Variants in FRMPD2 observed in about 807,000 individuals in gnomAD.
FRMPD2 encodes the protein FERM and PDZ domain-containing protein 2.
In FRMPD2, 96 loss-of-function variants were observed where a neutral mutation model predicts 140.1. The observed-to-expected ratio is 0.69, with a 90% CI of 0.58 to 0.81. The LOEUF (loss-of-function observed/expected upper bound fraction) is 0.81, where lower values mean the gene tolerates loss of function less well. Among genes scored for constraint, FRMPD2 ranks in the 40% least tolerant of loss-of-function variants. The pLI is 0.00. For missense variants in FRMPD2, 1,240 were observed against 1,447.4 expected, an observed-to-expected ratio of 0.86 and a Z score of 2.32; for synonymous variants, 449 against 547.6, an observed-to-expected ratio of 0.82 and a Z score of 2.52.
chr10:48,267,403 A>T (rs1228784725), intron 1 of FRMPD2, among the ~76,000 whole-genome samples: 1 of 152,224 alleles, frequency 6.6e-6, no homozygotes, highest in Non-Finnish European at 1.5e-5. Flanking sequence ...TCAACAGCAG[A>T]ATGGAGAAGA....
intron 27 of FRMPD2, among the ~76,000 whole-genome samples, chr10:48,165,343 G>T (rs1440636662): frequency 7.4e-6 from 1 of 134,484 alleles, no homozygotes; most frequent in African/African-American, 3.0e-5. Flanking sequence ...TGAGCAGCCT[G>T]TGCCCCTACC....
At position 48,170,852 on chromosome 10, in the gene FRMPD2, AT is replaced by A. The variant is rs1388173809; in HGVS notation, c.3438+141del. 20 of 731,286 alleles carry A rather than the reference AT, an allele frequency of 2.7e-5. No homozygotes were observed. In the South Asian group the frequency reaches 2.9e-4, roughly 11 times the overall value. 45.3% of individuals were successfully genotyped at this position (731,286 alleles called of 1,614,324 possible). On this transcript the variant is annotated intron_variant, in intron 26 of 28. Coordinates refer to ENST00000374201, the MANE Select transcript of FRMPD2 (RefSeq NM_001018071.4). Reference sequence around the variant, plus strand: ...AATTAAATGTGAGCATGTACCACTAATTACTCTCTTTGTGTGATTAAAATCC... The same window carrying A: ...AATTAAATGTGAGCATGTACCACTAATACTCTCTTTGTGTGATTAAAATCC...
intron 1 of FRMPD2, among the ~76,000 whole-genome samples, chr10:48,256,085 G>A (rs1353293772): frequency 1.3e-5 from 2 of 152,232 alleles, no homozygotes; most frequent in Admixed American, 1.3e-4. Context: ...ACTGGCCTGT[G>A]GCTGAGTATT....
chr10:48,184,457 A>G, intron 20 of FRMPD2, 109 bp downstream of exon 20: 1 of 689,530 alleles, frequency 1.5e-6, no homozygotes, highest in South Asian at 1.8e-5. Flanking sequence ...CCATGAGGAA[A>G]GCAATATAGA....
intron 1 of FRMPD2, among the ~76,000 whole-genome samples, chr10:48,263,506 A>G (rs1011557804): frequency 6.6e-6 from 1 of 152,174 alleles, no homozygotes; most frequent in Admixed American, 6.6e-5. Context: ...GATCCCATGG[A>G]TATTAAAAAG....
intron 20 of FRMPD2, among the ~76,000 whole-genome samples, chr10:48,183,161 C>T (rs1248977295): frequency 6.6e-6 from 1 of 152,192 alleles, no homozygotes; most frequent in Non-Finnish European, 1.5e-5. Flanking sequence ...AATGCAGTGC[C>T]TGCATTTAGT....
At chr10:48,236,576 G>T in intron 8 of FRMPD2, 23 bp from the exon 9 acceptor site, 1 of 1,610,180 alleles carries the variant, frequency 6.2e-7, no homozygotes. Flanking sequence ...AGTCACATAT[G>T]GTAGAGAAGA....
chr10:48,191,768 C>T (rs749448841), intron 16 of FRMPD2, among the ~76,000 whole-genome samples: 40 of 152,300 alleles, frequency 2.6e-4, no homozygotes, highest in Middle Eastern at 3.4e-3. Flanking sequence ...TAAATGTAAT[C>T]CAAGTCCTAG....
intron 12 of FRMPD2, among the ~76,000 whole-genome samples, chr10:48,216,678 C>T (rs985547725): frequency 1.3e-5 from 2 of 152,212 alleles, no homozygotes; most frequent in African/African-American, 4.8e-5. Context: ...AGATACCACA[C>T]ATGAATTGCC....
intron 10 of FRMPD2, among the ~76,000 whole-genome samples, chr10:48,227,384 G>T (rs1300370068): frequency 6.6e-6 from 1 of 152,218 alleles, no homozygotes; most frequent in Non-Finnish European, 1.5e-5. Context: ...GAGACTGTCA[G>T]GTTTGCATCA....
chr10:48,188,804 C>T (rs945935313), intron 16 of FRMPD2, among the ~76,000 whole-genome samples: 4 of 152,180 alleles, frequency 2.6e-5, no homozygotes, highest in African/African-American at 7.2e-5. Context: ...ACATGCAACC[C>T]TTTACTGCTT....
At position 48,254,202 on chromosome 10, in the gene FRMPD2, C is replaced by T. The variant is rs563459649; in HGVS notation, c.26-2511G>A. On this transcript the variant is annotated intron_variant, in intron 1 of 28. Transcript: ENST00000374201. The stretch of plus-strand genomic sequence containing the variant: ...TTACGGTGGAATGTTATGATCTGTC[C>T]GCAGTGGCAAGTTGGTTTCTGAAGA... 1.1e-4 allele frequency among the ~76,000 whole-genome samples: 16 copies of T among 152,318 alleles called. No individual in the cohort carries two copies. The East Asian group carries it at 1.5e-3, about 15-fold the overall frequency.
At chr10:48,201,122 A>G (rs977728119) in intron 15 of FRMPD2, 106 bp downstream of exon 15, 1 of 743,832 alleles carries the variant, frequency 1.3e-6, no homozygotes, top group African/African-American at 1.8e-5. Flanking sequence ...AGAGAGATTT[A>G]CAACTCTATT....
chr10:48,217,266 T>C (rs1839472254), intron 12 of FRMPD2, among the ~76,000 whole-genome samples: 1 of 152,202 alleles, frequency 6.6e-6, no homozygotes, highest in African/African-American at 2.4e-5. Context: ...GCTGGATAAA[T>C]GGCTACACCA....
chr10:48,244,894 T>C, intron 3 of FRMPD2, 45 bp from the exon 4 acceptor site: 1 of 1,381,314 alleles, frequency 7.2e-7, no homozygotes, highest in South Asian at 1.2e-5. Context: ...TCATCTCTGT[T>C]ATTCCATGGC....
At chr10:48,235,477 G>A (rs1265259996) in intron 9 of FRMPD2, among the ~76,000 whole-genome samples, 1 of 152,222 alleles carries the variant, frequency 6.6e-6, no homozygotes, top group Non-Finnish European at 1.5e-5. Flanking sequence ...TGACAGGGGG[G>A]TGCATGGAAG....
At chr10:48,175,154 C>T in intron 23 of FRMPD2, 199 bp from the exon 24 acceptor site, 2 of 470,094 alleles carry the variant, frequency 4.3e-6, no homozygotes, top group Non-Finnish European at 7.7e-6. Context: ...AGGCACATCA[C>T]AGATCAGGGA....
At chr10:48,242,002 C>A in intron 5 of FRMPD2, 159 bp downstream of exon 5, 1 of 530,044 alleles carries the variant, frequency 1.9e-6, no homozygotes, top group Non-Finnish European at 3.3e-6. Flanking sequence ...AGGGTCATCA[C>A]CTGCTACGAG....
intron 1 of FRMPD2, among the ~76,000 whole-genome samples, chr10:48,269,315 A>G (rs1427561674): frequency 6.6e-6 from 1 of 152,220 alleles, no homozygotes; most frequent in Non-Finnish European, 1.5e-5. Context: ...AATTGAGAAC[A>G]TGTATTTGCC....
Sources: gnomAD v4.1 joint callset for allele counts (sites outside exome capture counted in the v4.1 genomes callset) on GRCh38, gnomAD v4.1.1 for gene constraint, MANE v1.5 for transcripts, NCBI Gene and HGNC (gene_info 2026-07-23, HGNC 2026-07-21) for gene names.